Variants in ANO9 observed in about 807,000 individuals in gnomAD.
ANO9 encodes the protein anoctamin-9.
Under a neutral mutation model 100.5 loss-of-function variants are expected in ANO9, and 80 were observed. The observed-to-expected ratio is 0.80, with a 90% CI of 0.66 to 0.96. The LOEUF is 0.96. Ranked by LOEUF, ANO9 falls within the 40% of genes least tolerant of loss-of-function variation. The pLI, the probability that ANO9 is intolerant of heterozygous loss-of-function variation, is 0.00. For missense variants in ANO9, 1,064 were observed against 1,072.7 expected, an observed-to-expected ratio of 0.99 and a Z score of 0.11; for synonymous variants, 473 against 435.6, an observed-to-expected ratio of 1.09 and a Z score of -1.07.
chr11:439,644 A>C (rs1359205515), intron 1 of ANO9, among the ~76,000 whole-genome samples: 1 of 135,662 alleles, frequency 7.4e-6, no homozygotes. Context: ...GCCCTCTGGG[A>C]TCTGGCCCTT....
At position 420,995 on chromosome 11, in the gene ANO9, G is replaced by C. The variant is rs1848147667; in HGVS notation, c.1440C>G (p.Ile480Met). 6.2e-7 allele frequency: 1 copy of C among 1,606,996 alleles called. No individual in the cohort carries two copies. Among genetic ancestry groups the C allele is most frequent in the East Asian group, 2.2e-5 (1 of 44,670 alleles). ...CMMDLFVQMA[I>M]IMGLKQTLSN... is the part of the protein sequence containing the mutation. ...TGAGCGTCTGCTTCAGGCCCATGAT[G>C]ATGGCCATCTGCACGAAGAGGTCCA... The change falls in exon 17 of 23, where the codon ATC (isoleucine) becomes ATG (methionine). Residue 480 changes from isoleucine (I) to methionine (M), a missense_variant. By Grantham distance (10) the Ile-to-Met change is conservative. Transcript: ENST00000332826.
At chr11:424,132 G>T (rs919975370) in intron 15 of ANO9, among the ~76,000 whole-genome samples, 1 of 151,940 alleles carries the variant, frequency 6.6e-6, no homozygotes, top group African/African-American at 2.4e-5. Context: ...GACCTCAGGT[G>T]ATCTGCCTGC....
chr11:420,304 G>A, intron 19 of ANO9, 159 bp downstream of exon 19: 2 of 1,452,068 alleles, frequency 1.4e-6, no homozygotes, highest in South Asian at 2.8e-5. Context: ...TCCCACCCAG[G>A]CTCAACCCGC....
At chr11:438,625 C>A (rs1340002006) in intron 1 of ANO9, among the ~76,000 whole-genome samples, 1 of 151,134 alleles carries the variant, frequency 6.6e-6, no homozygotes, top group African/African-American at 2.5e-5. Flanking sequence ...CACCCACCGG[C>A]CCATCCCCCG....
Position 431,984 on chromosome 11 carries a change from C to T in ANO9, c.406+15G>A. ...GCCCGCAGCGCCCCTGTCAGTGCCC[C>T]ACCCCTGCCCTTACCACCAGCCGAG... On this transcript the variant is annotated intron_variant, in intron 5 of 22. Transcript: ENST00000332826. 3.1e-6 allele frequency: 5 copies of T among 1,612,976 alleles called. No homozygotes were observed. Among genetic ancestry groups the T allele is most frequent in the Non-Finnish European group, 4.2e-6 (5 of 1,179,698 alleles).
At position 433,344 on chromosome 11, in the gene ANO9, G is replaced by T. The variant is rs749436060; in HGVS notation, c.320C>A (p.Ala107Asp). The stretch of plus-strand genomic sequence containing the variant: ...GGTGACCGGGATGGTGGTCGGCGCG[G>T]CCAGCTCGGCGTGGGGGGCAGGCCC... Reference protein sequence around the residue: ...PEGPAPHAELAAPTTIPVTTS... With the variant: ...PEGPAPHAELDAPTTIPVTTS... The change falls in exon 4 of 23, where the codon GCC (alanine) becomes GAC (aspartate). Residue 107 changes from alanine (A) to aspartate (D), a missense_variant. Coordinates refer to ENST00000332826, the MANE Select transcript of ANO9 (RefSeq NM_001012302.3). 3.1e-6 allele frequency: 5 copies of T among 1,612,858 alleles called. No homozygotes were observed. In the South Asian group the frequency reaches 5.5e-5, roughly 18 times the overall value.
chr11:439,706 A>C (rs927142381), intron 1 of ANO9, among the ~76,000 whole-genome samples: 2 of 152,132 alleles, frequency 1.3e-5, no homozygotes, highest in African/African-American at 2.4e-5. Context: ...GCCCCACCGC[A>C]GTCCCAAGCA....
At chr11:435,335 T>G (rs1849384851) in intron 1 of ANO9, among the ~76,000 whole-genome samples, 1 of 152,048 alleles carries the variant, frequency 6.6e-6, no homozygotes, top group African/African-American at 2.4e-5. Context: ...TATAGTATGG[T>G]CTAGTCTAGT....
rs372353567 is a variant in ANO9 at position 432,077 on chromosome 11, C to A, written c.351-23G>T. The A allele has an allele frequency of 1.9e-6, 3 of 1,611,966 alleles. No individual in the cohort carries two copies. In the African/African-American group the frequency reaches 4.0e-5, roughly 22 times the overall value. On this transcript the variant is annotated intron_variant, in intron 4 of 22. Coordinates refer to ENST00000332826, the MANE Select transcript of ANO9 (RefSeq NM_001012302.3). This position sits in a 1 kb window ranked among gnomAD's most constrained non-coding sequence, Gnocchi z 4.8. ...AGACTCAAGAGCCAGAGCAGGGTGG[C>A]CCCGTGTGACCACAGTGGACCCTGC...
intron 1 of ANO9, among the ~76,000 whole-genome samples, chr11:435,496 C>T (rs1054764626): frequency 7.9e-6 from 1 of 127,260 alleles, no homozygotes; most frequent in Non-Finnish European, 1.6e-5. Context: ...ACGGTATAGT[C>T]TAGTATAGTC....
intron 19 of ANO9, chr11:420,032 A>C: frequency 7.5e-7 from 1 of 1,337,002 alleles, no homozygotes; most frequent in Non-Finnish European, 9.6e-7. Flanking sequence ...CCAGGGTAAG[A>C]CCTTGTAACC....
intron 1 of ANO9, among the ~76,000 whole-genome samples, chr11:436,063 C>CTTT (rs10707508): frequency 1.8e-4 from 18 of 99,298 alleles, no homozygotes; most frequent in East Asian, 3.7e-4. Flanking sequence ...CTTTTCTTTC[C>CTTT]TTTTTTTTTT....
chr11:423,016 G>C (rs1394843861), intron 15 of ANO9, among the ~76,000 whole-genome samples: 1 of 152,016 alleles, frequency 6.6e-6, no homozygotes, highest in Non-Finnish European at 1.5e-5. Context: ...ATTTAGTAAA[G>C]ACGGGGTTTC....
chr11:419,916 C>A (rs746868599), intron 19 of ANO9, 187 bp from the exon 20 acceptor site: 3 of 1,408,210 alleles, frequency 2.1e-6, no homozygotes, highest in Non-Finnish European at 2.8e-6. Flanking sequence ...CGCTCCTGCA[C>A]CCCTCACCCT....
intron 11 of ANO9, 74 bp from the exon 12 acceptor site, chr11:428,900 AC>A: frequency 1.5e-6 from 2 of 1,376,200 alleles, no homozygotes; most frequent in Non-Finnish European, 2.0e-6. Context: ...ACAGAGACAC[AC>A]CTCACGGGTG....
At position 418,793 on chromosome 11, in the gene ANO9, G is replaced by A; in HGVS notation, c.2057C>T (p.Pro686Leu). Reference protein sequence around the residue: ...TLCRYRDYRNPPDYNFSEQFW... With the variant: ...TLCRYRDYRNLPDYNFSEQFW... ...CTGCTCGGAGAAGTTGTAATCGGGG[G>A]GATTGCGGTAGTCCCTGTATCTGGG... The change falls in exon 22 of 23, where the codon CCC (proline) becomes CTC (leucine). Residue 686 changes from proline to leucine, a missense_variant. Transcript: ENST00000332826. The A allele has an allele frequency of 3.7e-6, 6 of 1,613,336 alleles. No individual in the cohort carries two copies. The highest frequency in any genetic ancestry group is 5.1e-6 in the Non-Finnish European group (6 of 1,180,004).
At chr11:420,358 A>C (rs1848097791) in intron 19 of ANO9, 105 bp downstream of exon 19, 2 of 1,510,754 alleles carry the variant, frequency 1.3e-6, no homozygotes, top group East Asian at 4.9e-5. Context: ...CTGCGGCCTG[A>C]GATCCGAGAG....
intron 15 of ANO9, among the ~76,000 whole-genome samples, chr11:427,220 C>T (rs1169490212): frequency 3.9e-5 from 6 of 152,036 alleles, no homozygotes; most frequent in Admixed American, 2.6e-4. Context: ...TGTGGTGGTG[C>T]GCACCTGTGG....
chr11:425,904 A>ATT (rs1033122860), intron 15 of ANO9, among the ~76,000 whole-genome samples: 3 of 85,538 alleles, frequency 3.5e-5, no homozygotes, highest in South Asian at 1.6e-3. Flanking sequence ...AATTTTTTGT[A>ATT]TTTTTTTTTA....
Sources: allele counts gnomAD v4.1 joint callset (sites outside exome capture counted in the v4.1 genomes callset), GRCh38; gene constraint gnomAD v4.1.1; non-coding constraint Gnocchi (gnomAD v3.1); transcripts MANE v1.5; gene names NCBI Gene and HGNC (gene_info 2026-07-23, HGNC 2026-07-21).